The following NPAS3 variants were observed in gnomAD, a reference collection of about 807,000 sequenced individuals.
NPAS3 encodes the protein neuronal PAS domain protein 3.
A neutral mutation model predicts 73.1 loss-of-function variants in NPAS3; 14 were observed. The observed-to-expected ratio is 0.19, with a 90% CI of 0.13 to 0.30. The LOEUF (loss-of-function observed/expected upper bound fraction) is 0.30. NPAS3 is among the 10% of genes least tolerant of loss of function. NPAS3 has a pLI of 1.00. For synonymous variants in NPAS3, 620 were observed against 541.5 expected (o/e 1.14, Z -2.01); for missense variants, 1,096 against 1,250.0 (o/e 0.88, Z 1.86).
At position 33,438,051 on chromosome 14, in the gene NPAS3, T is replaced by C. The variant is rs182665448; in HGVS notation, c.468+70783T>C. Among the ~76,000 whole-genome samples, 614 of 152,322 alleles carry C rather than the reference T, an allele frequency of 4.0e-3. 3 individuals are homozygous for C. The highest frequency in any genetic ancestry group is 9.7e-3 in the Admixed American group (148 of 15,300). On this transcript the variant is annotated intron_variant, in intron 4 of 11. Transcript: ENST00000356141. ...AGGCATTGAAGTGCTGAAAATACAC[T>C]GTATCGCGTTTGGAAAATAATATAT...
At chr14:33,326,316 G>A (rs554984766) in intron 3 of NPAS3, among the ~76,000 whole-genome samples, 8 of 152,318 alleles carry the variant, frequency 5.3e-5, no homozygotes, top group African/African-American at 1.9e-4. Flanking sequence ...GTTGAAGTCA[G>A]TGAAGGAAAC....
At chr14:33,648,757 G>A (rs2058906331) in intron 5 of NPAS3, among the ~76,000 whole-genome samples, 1 of 152,102 alleles carries the variant, frequency 6.6e-6, no homozygotes, top group Non-Finnish European at 1.5e-5. Flanking sequence ...CTTTTTAGTG[G>A]TCGTTTGGCT....
intron 1 of NPAS3, among the ~76,000 whole-genome samples, chr14:32,975,391 G>C (rs1482632814): frequency 1.4e-5 from 2 of 144,124 alleles, no homozygotes; most frequent in African/African-American, 2.5e-5. Context: ...CACCATTATA[G>C]CTCACTGTAG....
intron 5 of NPAS3, among the ~76,000 whole-genome samples, chr14:33,650,459 A>G (rs1205512282): frequency 2.6e-5 from 4 of 152,230 alleles, no homozygotes; most frequent in Non-Finnish European, 4.4e-5. Flanking sequence ...AACCTATGAA[A>G]ATAATTAAGC....
At chr14:33,203,564 A>G (rs991996056) in intron 2 of NPAS3, among the ~76,000 whole-genome samples, 1 of 152,098 alleles carries the variant, frequency 6.6e-6, no homozygotes, top group African/African-American at 2.4e-5. Context: ...GAGTGAGAAC[A>G]TGCGGTGTTT....
chr14:33,005,812 C>T (rs1170733202), intron 1 of NPAS3, among the ~76,000 whole-genome samples: 1 of 152,152 alleles, frequency 6.6e-6, no homozygotes, highest in African/African-American at 2.4e-5. Context: ...TGTGAGTCTT[C>T]AATCTCACTT....
intron 5 of NPAS3, among the ~76,000 whole-genome samples, chr14:33,651,993 C>A (rs1269693320): frequency 6.6e-6 from 1 of 152,178 alleles, no homozygotes; most frequent in African/African-American, 2.4e-5. Flanking sequence ...CATCCCAGCC[C>A]TGCCTTTTAT....
intron 4 of NPAS3, among the ~76,000 whole-genome samples, chr14:33,555,445 T>C (rs1371049652): frequency 2.0e-5 from 3 of 152,146 alleles, no homozygotes; most frequent in Admixed American, 6.5e-5. Context: ...CAGTGGGCAG[T>C]TGAAAAAAAA....
chr14:33,591,530 G>T (rs1719516706), intron 5 of NPAS3, among the ~76,000 whole-genome samples: 1 of 152,190 alleles, frequency 6.6e-6, no homozygotes, highest in Non-Finnish European at 1.5e-5. Flanking sequence ...CCTAAAGTGA[G>T]CAAAAGCAAA....
intron 3 of NPAS3, among the ~76,000 whole-genome samples, chr14:33,242,927 C>G (rs1566715877): frequency 6.6e-6 from 1 of 151,988 alleles, no homozygotes; most frequent in South Asian, 2.1e-4. Flanking sequence ...AAACGAGTGG[C>G]CCTTAAAGTC....
At chr14:33,457,148 C>A (rs576143539) in intron 4 of NPAS3, among the ~76,000 whole-genome samples, 6 of 152,306 alleles carry the variant, frequency 3.9e-5, no homozygotes, top group African/African-American at 1.4e-4. Flanking sequence ...TTAGGTCACA[C>A]CACAATGCCC....
chr14:33,166,876 G>A (rs1039307573), intron 2 of NPAS3, among the ~76,000 whole-genome samples: 1 of 152,194 alleles, frequency 6.6e-6, no homozygotes, highest in Non-Finnish European at 1.5e-5. Flanking sequence ...TAAGGTTAAA[G>A]CGAATGCTTT....
chr14:33,320,623 A>G (rs935104002), intron 3 of NPAS3, among the ~76,000 whole-genome samples: 7 of 152,148 alleles, frequency 4.6e-5, no homozygotes, highest in African/African-American at 1.7e-4. Context: ...GATAGATGGC[A>G]TGCTGAGTGA....
chr14:33,196,717 G>A (rs2046368634), intron 2 of NPAS3, among the ~76,000 whole-genome samples: 1 of 152,198 alleles, frequency 6.6e-6, no homozygotes, highest in Admixed American at 6.5e-5. Context: ...GAGCTCATTT[G>A]TAGTGTGCAA....
chr14:33,408,801 A>G (rs530870041), intron 4 of NPAS3, among the ~76,000 whole-genome samples: 1 of 152,282 alleles, frequency 6.6e-6, no homozygotes, highest in South Asian at 2.1e-4. Flanking sequence ...GAGGGGAGCT[A>G]GGATGAAGAG....
intron 4 of NPAS3, among the ~76,000 whole-genome samples, chr14:33,551,806 T>C (rs1415139193): frequency 6.6e-6 from 1 of 152,194 alleles, no homozygotes; most frequent in Non-Finnish European, 1.5e-5. Context: ...CATGGGAATT[T>C]CTTCAAAGTC....
At chr14:33,624,686 C>G (rs2058173604) in intron 5 of NPAS3, among the ~76,000 whole-genome samples, 1 of 151,584 alleles carries the variant, frequency 6.6e-6, no homozygotes, top group African/African-American at 2.4e-5. Context: ...TCCAAAACAT[C>G]CTTATATTTT....
intron 4 of NPAS3, among the ~76,000 whole-genome samples, chr14:33,380,379 C>A (rs1448756872): frequency 6.6e-6 from 1 of 152,074 alleles, no homozygotes; most frequent in Non-Finnish European, 1.5e-5. Flanking sequence ...ATAGGACTCG[C>A]TACTATCTTC....
chr14:33,225,616 T>C (rs913856169), intron 3 of NPAS3, among the ~76,000 whole-genome samples: 2 of 152,252 alleles, frequency 1.3e-5, no homozygotes, highest in East Asian at 1.9e-4. Context: ...AATAAAACTT[T>C]ATTTGTGGAC....
Sources: gnomAD v4.1 joint callset for allele counts (sites outside exome capture counted in the v4.1 genomes callset) on GRCh38, gnomAD v4.1.1 for gene constraint, MANE v1.5 for transcripts, NCBI Gene and HGNC (gene_info 2026-07-23, HGNC 2026-07-21) for gene names.